HBS1L: variants seen among roughly 807,000 people sequenced by gnomAD.
HBS1L encodes HBS1 like translational GTPase.
A neutral mutation model predicts 88.9 loss-of-function variants in HBS1L; 55 were observed. The ratio of observed to expected loss-of-function variants is 0.62; its 90% CI spans 0.50 to 0.77. The LOEUF is 0.77. Among genes scored for constraint, HBS1L ranks in the 30% least tolerant of loss-of-function variants. HBS1L has a pLI of 0.00. For missense variants in HBS1L, 741 were observed against 829.3 expected, an observed-to-expected ratio of 0.89 and a Z score of 1.31; for synonymous variants, 267 against 288.5, an observed-to-expected ratio of 0.93 and a Z score of 0.76.
intron 5 of HBS1L, among the ~76,000 whole-genome samples, chr6:135,001,714 T>C (rs1192201298): frequency 6.6e-6 from 1 of 152,168 alleles, no homozygotes; most frequent in Non-Finnish European, 1.5e-5. Context: ...TAATGTACAC[T>C]GAATGCCTAC....
intron 4 of HBS1L, among the ~76,000 whole-genome samples, chr6:135,006,074 T>C (rs1775602303): frequency 1.3e-5 from 2 of 152,228 alleles, no homozygotes; most frequent in South Asian, 4.1e-4. Flanking sequence ...TCTAGCAATG[T>C]TCAGCCATTC....
chr6:135,048,251 T>G (rs1438910042), intron 2 of HBS1L, among the ~76,000 whole-genome samples: 1 of 152,214 alleles, frequency 6.6e-6, no homozygotes, highest in Non-Finnish European at 1.5e-5. Context: ...AAGCAGTTTC[T>G]TCCAGTAACT....
intron 15 of HBS1L, among the ~76,000 whole-genome samples, chr6:134,970,348 G>A (rs994874364): frequency 2.6e-5 from 4 of 152,062 alleles, no homozygotes; most frequent in Admixed American, 2.6e-4. Context: ...GGCCAGGCTG[G>A]TCTCGAACTC....
Position 134,993,752 on chromosome 6 carries a change from A to G in HBS1L, c.1083+6T>C. On this transcript the variant is annotated splice_donor_region_variant and intron_variant, in intron 8 of 17. Coordinates refer to ENST00000367837, the MANE Select transcript of HBS1L (RefSeq NM_006620.4). Reference sequence around the variant, plus strand: ...AGCACACTATAGTGAAGAAAACAGCAGTTACCTGGGCTGCTCCTGTAATCA... The same window carrying G: ...AGCACACTATAGTGAAGAAAACAGCGGTTACCTGGGCTGCTCCTGTAATCA... 2 of 1,388,432 alleles carry G rather than the reference A, an allele frequency of 1.4e-6. No individual in the cohort carries two copies. The highest frequency in any genetic ancestry group is 2.0e-6 in the Non-Finnish European group (2 of 998,652). The allele number at this position is 1,388,432 out of a possible 1,614,324, so 86.0% of individuals were successfully genotyped here. A position where few individuals can be genotyped will look rare whatever the true frequency, so the allele number is the denominator to read the frequency against.
rs1774213983 is a variant in HBS1L, at chr6:134,962,745, C to T, written c.*2534G>A. The T allele has an allele frequency of 6.6e-6, 1 of 152,150 alleles. No homozygotes were observed. Among genetic ancestry groups the T allele is most frequent in the South Asian group, 2.1e-4 (1 of 4,828 alleles). 9.4% of individuals were successfully genotyped at this position (152,150 alleles called of 1,614,324 possible). ...ATCATAAAAAAGAAGACAGTCAGGA[C>T]AAGAAATACCTGAAGCAAAATGACA... On this transcript the variant is annotated 3_prime_UTR_variant, in exon 18 of 18. Coordinates refer to ENST00000367837, the MANE Select transcript of HBS1L (RefSeq NM_006620.4).
At chr6:134,987,509 G>A in intron 9 of HBS1L, 136 bp downstream of exon 9, 2 of 542,286 alleles carry the variant, frequency 3.7e-6, no homozygotes, top group Admixed American at 3.2e-5. Flanking sequence ...TATTTAAGAT[G>A]AGAACAGAGA....
chr6:135,013,867 T>C (rs1293126647), intron 4 of HBS1L, among the ~76,000 whole-genome samples: 1 of 152,226 alleles, frequency 6.6e-6, no homozygotes, highest in Admixed American at 6.5e-5. Context: ...AGATTACTTA[T>C]AATCTAGATT....
At chr6:135,051,235 A>C (rs562523855) in intron 1 of HBS1L, among the ~76,000 whole-genome samples, 3 of 152,256 alleles carry the variant, frequency 2.0e-5, no homozygotes, top group African/African-American at 7.2e-5. Context: ...AAAAGAAAAA[A>C]AAAGAAAAAA....
chr6:134,997,135 A>G (rs1184596882), intron 6 of HBS1L, among the ~76,000 whole-genome samples, 193 bp from the exon 7 acceptor site: 4 of 152,224 alleles, frequency 2.6e-5, no homozygotes, highest in Non-Finnish European at 5.9e-5. Flanking sequence ...AATTTCTCAG[A>G]TTTTTGGAAA....
chr6:135,039,522 T>A lies in HBS1L; in HGVS notation c.430+51A>T, dbSNP rs181911850. ...AAGCTCAAGCAAACGAAAGCCTCTC[T>A]TTAGGCATTAACTATGTAAAACAAG... On this transcript the variant is annotated intron_variant, in intron 4 of 17. Transcript: ENST00000367837. 5.5e-4 allele frequency: 795 copies of A among 1,433,664 alleles called. 2 individuals carry two copies. Among genetic ancestry groups the A allele is most frequent in the Non-Finnish European group, 7.3e-4 (755 of 1,037,806 alleles). The allele number at this position is 1,433,664 out of a possible 1,614,324, so 88.8% of individuals were successfully genotyped here. A position where few individuals can be genotyped will look rare whatever the true frequency, so the allele number is the denominator to read the frequency against.
chr6:134,965,121 T>C lies in HBS1L; in HGVS notation c.*158A>G. On this transcript the variant is annotated 3_prime_UTR_variant, in exon 18 of 18. Coordinates refer to ENST00000367837, the MANE Select transcript of HBS1L (RefSeq NM_006620.4). ...CAACTTAGAATTTTTGCAGAGGTGATTATTAATACTTCTTTGCAGCTAATT... is the reference window on the plus strand; with the variant it reads ...CAACTTAGAATTTTTGCAGAGGTGACTATTAATACTTCTTTGCAGCTAATT... The C allele has an allele frequency of 1.5e-6, 1 of 686,144 alleles. No homozygotes were observed. The highest frequency in any genetic ancestry group is 2.5e-6 in the Non-Finnish European group (1 of 393,094). The allele number at this position is 686,144 out of a possible 1,614,324, so 42.5% of individuals were successfully genotyped here. A position where few individuals can be genotyped will look rare whatever the true frequency, so the allele number is the denominator to read the frequency against.
chr6:134,993,943 TCTACATGACCATCTACATTCTTAGGTAAA>T, intron 7 of HBS1L, 68 bp from the exon 8 acceptor site: 1 of 591,544 alleles, frequency 1.7e-6, no homozygotes, highest in African/African-American at 1.9e-5. Flanking sequence ...TTAATAATAG[TCTACATGACCATCTACATTCTTAGGTAAA>T]AATGGAAATT....
Position 134,993,805 on chromosome 6 carries a change from G to A in HBS1L, c.1036C>T (p.Pro346Ser), listed in dbSNP as rs755720640. ...TTKVITLMDAPGHKDFIPNMI... is the reference protein window; with the variant it reads ...TTKVITLMDASGHKDFIPNMI... ...TTTGGAATGAAGTCCTTATGGCCTG[G>A]AGCATCCATTAATGTAATAACTTTG... The change falls in exon 8 of 18, where the codon CCA becomes TCA. Residue 346 changes from proline (P) to serine (S), a missense_variant. By Grantham distance (74) the Pro-to-Ser change is moderately conservative (BLOSUM62 -1). Transcript: ENST00000367837. 6.2e-7 allele frequency: 1 copy of A among 1,606,466 alleles called. No homozygotes were observed. Among genetic ancestry groups the A allele is most frequent in the Non-Finnish European group, 8.5e-7 (1 of 1,174,980 alleles).
rs1774166765 is a variant in HBS1L, at chr6:134,960,718, T to C, written c.*4561A>G. 6.6e-6 allele frequency: 1 copy of C among 152,156 alleles called. No homozygotes were observed. 9.4% of individuals were successfully genotyped at this position (152,156 alleles called of 1,614,324 possible). A position where few individuals can be genotyped will look rare whatever the true frequency, so the allele number is the denominator to read the frequency against. ...AATCATGGTTCCATAATTTATTTAC[T>C]AGTTTTTAGCAATCCCTCTGAGCTT... On this transcript the variant is annotated 3_prime_UTR_variant, in exon 18 of 18. Transcript: ENST00000367837.
At chr6:135,033,478 T>G (rs1776444709) in intron 4 of HBS1L, among the ~76,000 whole-genome samples, 1 of 152,172 alleles carries the variant, frequency 6.6e-6, no homozygotes, top group South Asian at 2.1e-4. Context: ...GACATTCCCT[T>G]AGTCAACAGG....
intron 15 of HBS1L, among the ~76,000 whole-genome samples, chr6:134,971,060 T>TC (rs1384787430): frequency 1.3e-5 from 2 of 150,946 alleles, no homozygotes; most frequent in Middle Eastern, 3.4e-3. Context: ...GCTGTAGATG[T>TC]ACAATCTTAG....
intron 4 of HBS1L, among the ~76,000 whole-genome samples, chr6:135,008,027 G>A (rs982603573): frequency 6.6e-6 from 1 of 152,024 alleles, no homozygotes; most frequent in Non-Finnish European, 1.5e-5. Context: ...CTATAATGAG[G>A]TGAATTAAAC....
At chr6:134,972,486 C>T (rs181347491) in intron 15 of HBS1L, among the ~76,000 whole-genome samples, 12 of 152,104 alleles carry the variant, frequency 7.9e-5, no homozygotes, top group African/African-American at 2.6e-4. Flanking sequence ...GCAAAAACAA[C>T]AAAACTCTTA....
chr6:135,051,620 C>A (rs1472265590), intron 1 of HBS1L, among the ~76,000 whole-genome samples: 3 of 152,196 alleles, frequency 2.0e-5, no homozygotes, highest in African/African-American at 7.2e-5. Context: ...CTGTTACCCT[C>A]CAGCACACTT....
Sources: gnomAD v4.1 joint callset for allele counts (sites outside exome capture counted in the v4.1 genomes callset) on GRCh38, gnomAD v4.1.1 for gene constraint, MANE v1.5 for transcripts, NCBI Gene and HGNC (gene_info 2026-07-23, HGNC 2026-07-21) for gene names.